The following TPM2 variants were observed in gnomAD, a reference collection of about 807,000 sequenced individuals.
TPM2 encodes the protein tropomyosin 2, also known as tropomyosin beta chain.
Under a neutral mutation model 41.0 loss-of-function variants are expected in TPM2, and 26 were observed. That is an observed-to-expected ratio of 0.63 (90% CI 0.46 to 0.88). The LOEUF (loss-of-function observed/expected upper bound fraction) is 0.88, where lower values mean the gene tolerates loss of function less well. Ranked by LOEUF, TPM2 falls within the 40% of genes least tolerant of loss-of-function variation. The pLI, the probability that TPM2 is intolerant of heterozygous loss-of-function variation, is 0.00. For missense variants in TPM2, 187 were observed against 355.2 expected (o/e 0.53, Z 3.81); for synonymous variants, 143 against 139.3 (o/e 1.03, Z -0.19).
Position 35,685,166 on chromosome 9 carries a change from A to T in TPM2, c.563+103T>A. The stretch of plus-strand genomic sequence containing the variant: ...TGGGGGCAGCGGGCAGGGGTCAGAG[A>T]ACAGGGCCTGTCCCTACAGCCCCAA... On this transcript the variant is annotated intron_variant, in intron 5 of 8. Coordinates refer to ENST00000645482, the MANE Select transcript of TPM2 (RefSeq NM_003289.4). This position sits in a 1 kb window ranked among gnomAD's most constrained non-coding sequence, Gnocchi z 5.0. 1 of 1,613,966 alleles carries T rather than the reference A, an allele frequency of 6.2e-7. No homozygotes were observed. Among genetic ancestry groups the T allele is most frequent in the Non-Finnish European group, 8.5e-7 (1 of 1,179,970 alleles).
In TPM2 at chr9:35,689,868, T is replaced by A. The variant is rs774932278; in HGVS notation, c.-51A>T. 29 of 1,610,504 alleles carry A rather than the reference T, an allele frequency of 1.8e-5. No individual in the cohort carries two copies. The South Asian group carries it at 2.5e-4, about 14-fold the overall frequency. The stretch of plus-strand genomic sequence containing the variant: ...GGCAGGCGGTGAGGACCGGACGGAC[T>A]GGGCTGGGTGAGCGGACTGGGTGCA... On this transcript the variant is annotated 5_prime_UTR_variant, in exon 1 of 9. Coordinates refer to ENST00000645482, the MANE Select transcript of TPM2 (RefSeq NM_003289.4).
At chr9:35,686,519 C>T (rs1824919113) in intron 2 of TPM2, 2 of 151,526 alleles carry the variant, frequency 1.3e-5, no homozygotes, top group Admixed American at 1.3e-4. Flanking sequence ...CAGAATCAAG[C>T]TCAGTGATAC....
chr9:35,686,931 A>C (rs895063998), intron 2 of TPM2, among the ~76,000 whole-genome samples: 1 of 152,210 alleles, frequency 6.6e-6, no homozygotes, highest in Admixed American at 6.5e-5. Context: ...GCGCCAGTAA[A>C]GGAAAATGAG....
Position 35,683,324 on chromosome 9 carries a change from T to G in TPM2, c.773-83A>C. The G allele has an allele frequency of 7.4e-6, 10 of 1,348,224 alleles. No individual in the cohort carries two copies. In the South Asian group the frequency reaches 1.3e-4, roughly 17 times the overall value. 83.5% of individuals were successfully genotyped at this position (1,348,224 alleles called of 1,614,324 possible). A position where few individuals can be genotyped will look rare whatever the true frequency, so the allele number is the denominator to read the frequency against. On this transcript the variant is annotated intron_variant, in intron 8 of 8. Transcript: ENST00000645482. ...AGAGGAAAGGAAGGAGAGAGAGCAA[T>G]GGAAAGAAAAACAGAATCAGAGGTA...
chr9:35,682,289 T>A (rs961736317), downstream of TPM2: 14 of 1,104,696 alleles, frequency 1.3e-5, no homozygotes, highest in Admixed American at 2.4e-4. Flanking sequence ...TTCACGGACC[T>A]CAGGGCCCCT....
chr9:35,685,826 A>G lies in TPM2; in HGVS notation c.241-46T>C, dbSNP rs754301579. 1.9e-6 allele frequency: 3 copies of G among 1,613,140 alleles called. No individual in the cohort carries two copies. The highest frequency in any genetic ancestry group is 4.5e-5 in the East Asian group (2 of 44,902). ...GTCAAAAAGGCCTTGTTAGCCTTGG[A>G]TAAGGATCAGAGAGGCTCCAGAGGA... On this transcript the variant is annotated intron_variant, in intron 2 of 8. Coordinates refer to ENST00000645482, the MANE Select transcript of TPM2 (RefSeq NM_003289.4). The surrounding 1 kb of genome is among the most constrained non-coding windows in gnomAD (Gnocchi z 5.0).
chr9:35,683,250 G>GA lies in TPM2; in HGVS notation c.773-10_773-9insT. On this transcript the variant is annotated splice_polypyrimidine_tract_variant and intron_variant, in intron 8 of 8. Transcript: ENST00000645482. ...CTGGGCATAGACTTCATCTGGGGGG[G>GA]GTCCAGGGAGGGGACCAGGTGGGAG... 1.3e-6 allele frequency: 2 copies of GA among 1,550,062 alleles called. No individual in the cohort carries two copies. Among genetic ancestry groups the GA allele is most frequent in the Non-Finnish European group, 1.7e-6 (2 of 1,144,554 alleles).
In TPM2 at chr9:35,683,027, T is replaced by C; in HGVS notation, c.*132A>G. ...AGTGGGTGGTGGGCATGATGGGGGC[T>C]CTCCCTAGGCTGCTCCCAGCCTGGC... On this transcript the variant is annotated 3_prime_UTR_variant, in exon 9 of 9. Transcript: ENST00000645482. The C allele has an allele frequency of 6.5e-7, 1 of 1,546,344 alleles. No homozygotes were observed. The highest frequency in any genetic ancestry group is 8.7e-7 in the Non-Finnish European group (1 of 1,144,088).
intron 2 of TPM2, chr9:35,686,350 C>T (rs1489911056): frequency 6.0e-6 from 1 of 167,224 alleles, no homozygotes; most frequent in Non-Finnish European, 1.3e-5. Flanking sequence ...CCAAAGGTCA[C>T]CTGCACACAA....
At chr9:35,687,276 G>A (rs1019836567) in intron 2 of TPM2, among the ~76,000 whole-genome samples, 2 of 152,048 alleles carry the variant, frequency 1.3e-5, no homozygotes, top group South Asian at 2.1e-4. Context: ...TAAAGCCCCC[G>A]AGTGATTCTG....
At position 35,685,823 on chromosome 9, in the gene TPM2, T is replaced by G. The variant is rs1426440265; in HGVS notation, c.241-43A>C. ...GGGGTCAAAAAGGCCTTGTTAGCCT[T>G]GGATAAGGATCAGAGAGGCTCCAGA... On this transcript the variant is annotated intron_variant, in intron 2 of 8. Coordinates refer to ENST00000645482, the MANE Select transcript of TPM2 (RefSeq NM_003289.4). The surrounding 1 kb of genome is among the most constrained non-coding windows in gnomAD (Gnocchi z 5.0). The G allele has an allele frequency of 6.2e-7, 1 of 1,613,238 alleles. No homozygotes were observed. Among genetic ancestry groups the G allele is most frequent in the African/African-American group, 1.3e-5 (1 of 74,924 alleles).
Position 35,684,909 on chromosome 9 carries a change from G to A in TPM2, c.564-102C>T, listed in dbSNP as rs189594919. Reference sequence around the variant, plus strand: ...GACGGGTGGAGGAGAGAAGAGAAGAGCAAAGTTGTGAGAGTGACAGCAGGC... The same window carrying A: ...GACGGGTGGAGGAGAGAAGAGAAGAACAAAGTTGTGAGAGTGACAGCAGGC... On this transcript the variant is annotated intron_variant, in intron 5 of 8. Transcript: ENST00000645482. 1.3e-4 allele frequency: 204 copies of A among 1,610,770 alleles called. No homozygotes were observed. The Middle Eastern group carries it at 2.5e-3, about 20-fold the overall frequency.
At chr9:35,689,979 C>G, upstream of TPM2, 17 of 1,501,292 alleles carry the variant, frequency 1.1e-5, no homozygotes, top group Non-Finnish European at 1.5e-5. Context: ...CGGGCGGGGC[C>G]GGCAACCAGG....
At position 35,685,284 on chromosome 9, in the gene TPM2, GCC is replaced by G; in HGVS notation, c.546_547del (p.Arg182SerfsTer2). On this transcript the variant is annotated frameshift_variant, in exon 5 of 9. Transcript: ENST00000645482. LOFTEE classifies it high-confidence loss of function. The surrounding 1 kb of genome is among the most constrained non-coding windows in gnomAD (Gnocchi z 5.0). ...GTATCTTTACCTCTCGGCCACCTCA[GCC>G]CTCTCCTCCGAGCGCTCCAGCTCTC... 1 of 1,614,220 alleles carries G rather than the reference GCC, an allele frequency of 6.2e-7. No individual in the cohort carries two copies. The highest frequency in any genetic ancestry group is 8.5e-7 in the Non-Finnish European group (1 of 1,180,034).
intron 2 of TPM2, among the ~76,000 whole-genome samples, chr9:35,688,117 C>T (rs932913630): frequency 2.0e-5 from 3 of 152,044 alleles, no homozygotes; most frequent in African/African-American, 7.3e-5. Context: ...CTGCACTGGG[C>T]CTTGGTTATT....
rs1452572478 is a variant in TPM2, at chr9:35,685,308, T to A, written c.524A>T (p.Glu175Val). 6.2e-7 allele frequency: 1 copy of A among 1,614,050 alleles called. No homozygotes were observed. The highest frequency in any genetic ancestry group is 2.2e-5 in the East Asian group (1 of 44,866). The change falls in exon 5 of 9, where the codon GAG becomes GTG. Residue 175 changes from glutamate (E) to valine (V), a missense_variant. Transcript: ENST00000645482. This position sits in a 1 kb window ranked among gnomAD's most constrained non-coding sequence, Gnocchi z 5.0. Reference sequence around the variant, plus strand: ...AGCCCTCTCCTCCGAGCGCTCCAGCTCTCCTTCCAGGATCACCAGCTTCCT... The same window carrying A: ...AGCCCTCTCCTCCGAGCGCTCCAGCACTCCTTCCAGGATCACCAGCTTCCT... ...VARKLVILEG[E>V]LERSEERAEV...
At chr9:35,684,197 G>C (rs751840409) in intron 8 of TPM2, 49 bp downstream of exon 8, 1 of 1,579,228 alleles carries the variant, frequency 6.3e-7, no homozygotes, top group South Asian at 1.1e-5. Flanking sequence ...GTACAGGACA[G>C]ACTGATAATC....
chr9:35,682,205 G>C (rs1216094978), downstream of TPM2: 4 of 1,606,024 alleles, frequency 2.5e-6, no homozygotes, highest in African/African-American at 5.3e-5. Context: ...GGAGACACAA[G>C]GGGGAGACGT....
downstream of TPM2, chr9:35,682,436 G>A (rs1443561867): frequency 7.8e-7 from 1 of 1,288,118 alleles, no homozygotes; most frequent in African/African-American, 1.5e-5. Context: ...TCTTTAGAAG[G>A]TTTAAGGAAG....
Sources: gnomAD v4.1 joint callset for allele counts (sites outside exome capture counted in the v4.1 genomes callset) on GRCh38, gnomAD v4.1.1 for gene constraint, Gnocchi (gnomAD v3.1) non-coding constraint, MANE v1.5 for transcripts, NCBI Gene and HGNC (gene_info 2026-07-23, HGNC 2026-07-21) for gene names.